The following FOXP1 variants were observed in gnomAD, a reference collection of about 807,000 sequenced individuals.
FOXP1 encodes the protein forkhead box P1.
A neutral mutation model predicts 98.2 loss-of-function variants in FOXP1; 15 were observed. The ratio of observed to expected loss-of-function variants is 0.15; its 90% CI spans 0.10 to 0.24. The LOEUF is 0.24. Ranked by LOEUF, FOXP1 falls within the 10% of genes least tolerant of loss-of-function variation. FOXP1 has a pLI of 1.00. For missense variants in FOXP1, 633 were observed against 848.5 expected (o/e 0.75, Z 3.15); for synonymous variants, 371 against 314.5 (o/e 1.18, Z -1.90).
chr3:71,574,179 C>A (rs1445495268), intron 2 of FOXP1: 1 of 152,124 alleles, frequency 6.6e-6, no homozygotes, highest in African/African-American at 2.4e-5. Context: ...CCCAATGCTA[C>A]CTAAACCTAC....
At chr3:71,341,971 A>G (rs918833985) in intron 4 of FOXP1, among the ~76,000 whole-genome samples, 6 of 152,236 alleles carry the variant, frequency 3.9e-5, no homozygotes, top group Admixed American at 1.3e-4. Context: ...CTGAGATCAC[A>G]TAACAAGTTA....
At chr3:71,173,123 A>T (rs1472637390) in intron 6 of FOXP1, among the ~76,000 whole-genome samples, 1 of 151,918 alleles carries the variant, frequency 6.6e-6, no homozygotes, top group South Asian at 2.1e-4. Context: ...TTTTTTCCCT[A>T]TTGGTCCAGA....
chr3:70,970,808 G>A lies in FOXP1; in HGVS notation c.1653-3C>T, dbSNP rs1332032295. The A allele has an allele frequency of 3.1e-6, 5 of 1,611,104 alleles. No individual in the cohort carries two copies. The highest frequency in any genetic ancestry group is 4.2e-6 in the Non-Finnish European group (5 of 1,177,220). ...TGTTTTTAATAAGGGAAGGGTTACT[G>A]TGTAAGAAAAACATAAAAACTCAAA... is the stretch of plus-strand genomic sequence containing the variant. On this transcript the variant is annotated splice_polypyrimidine_tract_variant and splice_region_variant and intron_variant, in intron 18 of 20. Coordinates refer to ENST00000649528, the MANE Select transcript of FOXP1 (RefSeq NM_001349338.3).
intron 3 of FOXP1, among the ~76,000 whole-genome samples, chr3:71,385,714 T>C (rs1157106991): frequency 6.6e-6 from 1 of 152,236 alleles, no homozygotes; most frequent in Non-Finnish European, 1.5e-5. Flanking sequence ...GTCTGAAGCA[T>C]GGCCTACAAA....
intron 3 of FOXP1, among the ~76,000 whole-genome samples, chr3:71,413,369 C>T (rs1198354942): frequency 6.6e-6 from 1 of 151,470 alleles, no homozygotes; most frequent in Non-Finnish European, 1.5e-5. Flanking sequence ...GCTGCCATTA[C>T]AAAGAATGAT....
intron 2 of FOXP1, among the ~76,000 whole-genome samples, chr3:71,558,021 C>T (rs1027549555): frequency 3.3e-5 from 5 of 152,038 alleles, no homozygotes; most frequent in East Asian, 3.9e-4. Context: ...TTCACTATGT[C>T]GGCCGGGCTG....
intron 6 of FOXP1, chr3:71,130,913 C>A: frequency 3.7e-6 from 5 of 1,348,398 alleles, no homozygotes; most frequent in Non-Finnish European, 4.8e-6. Context: ...ACACAGCACA[C>A]GCAGTGCGCC....
At chr3:71,338,496 C>T (rs1313407243) in intron 4 of FOXP1, among the ~76,000 whole-genome samples, 1 of 152,168 alleles carries the variant, frequency 6.6e-6, no homozygotes, top group African/African-American at 2.4e-5. Context: ...CAGGCAATCT[C>T]GGCTCACTGC....
intron 10 of FOXP1, among the ~76,000 whole-genome samples, chr3:71,044,944 A>T (rs1376223581): frequency 6.6e-6 from 1 of 152,162 alleles, no homozygotes. Context: ...CATCAGTTTT[A>T]AGCCATCATC....
chr3:71,435,039 TAAACTGATA>T (rs1484525529), intron 3 of FOXP1, among the ~76,000 whole-genome samples: 1 of 151,442 alleles, frequency 6.6e-6, no homozygotes, highest in African/African-American at 2.4e-5. Context: ...CGTCAGTTCT[TAAACTGATA>T]ATTAACACAT....
chr3:71,414,448 T>C (rs1159350495), intron 3 of FOXP1, among the ~76,000 whole-genome samples: 1 of 152,148 alleles, frequency 6.6e-6, no homozygotes, highest in East Asian at 1.9e-4. Context: ...TGCGGCACCA[T>C]CCACACCCAC....
chr3:71,173,927 GT>G (rs983063445), intron 6 of FOXP1, among the ~76,000 whole-genome samples: 2 of 152,192 alleles, frequency 1.3e-5, no homozygotes, highest in African/African-American at 4.8e-5. Flanking sequence ...GAAGAAGAAA[GT>G]GACAAAATAA....
rs1197822080 is a variant in FOXP1, at chr3:71,535,193, G to A, written c.-297-41638C>T. Reference sequence around the variant, plus strand: ...CCACAAACCAGGTGCATCTGGCCCTGCTTACTGGTGACTTCCAAGGCTCTG... The same window carrying A: ...CCACAAACCAGGTGCATCTGGCCCTACTTACTGGTGACTTCCAAGGCTCTG... On this transcript the variant is annotated intron_variant, in intron 2 of 20. Coordinates refer to ENST00000649528, the MANE Select transcript of FOXP1 (RefSeq NM_001349338.3). 3.9e-5 allele frequency among the ~76,000 whole-genome samples: 6 copies of A among 152,266 alleles called. No individual in the cohort carries two copies. The East Asian group carries it at 9.7e-4, about 25-fold the overall frequency.
chr3:71,554,193 T>C (rs192096752), intron 2 of FOXP1, among the ~76,000 whole-genome samples: 1 of 152,084 alleles, frequency 6.6e-6, no homozygotes, highest in Non-Finnish European at 1.5e-5. Flanking sequence ...ACAAAAAGTT[T>C]TAAAAAAGAA....
intron 4 of FOXP1, among the ~76,000 whole-genome samples, chr3:71,324,344 T>G (rs1308593472): frequency 1.3e-5 from 2 of 152,084 alleles, no homozygotes; most frequent in Admixed American, 1.3e-4. Context: ...CTATTCACAA[T>G]AGCAAAGACT....
At chr3:71,279,644 A>G (rs924562810) in intron 5 of FOXP1, among the ~76,000 whole-genome samples, 2 of 152,188 alleles carry the variant, frequency 1.3e-5, no homozygotes, top group African/African-American at 4.8e-5. Flanking sequence ...GTATCCAACC[A>G]AGTAGAAATG....
At chr3:71,302,374 C>T (rs2073917997) in intron 4 of FOXP1, among the ~76,000 whole-genome samples, 1 of 152,008 alleles carries the variant, frequency 6.6e-6, no homozygotes, top group South Asian at 2.1e-4. Flanking sequence ...CCAAAGCATA[C>T]AACTTCCCTT....
chr3:71,457,905 G>A (rs1371318062), intron 3 of FOXP1, among the ~76,000 whole-genome samples: 7 of 152,182 alleles, frequency 4.6e-5, no homozygotes, highest in African/African-American at 1.7e-4. Flanking sequence ...TGGGGGCACA[G>A]GACAGGGACT....
chr3:70,978,593 A>G (rs576151305), intron 14 of FOXP1, among the ~76,000 whole-genome samples: 24 of 152,336 alleles, frequency 1.6e-4, no homozygotes, highest in Non-Finnish European at 2.9e-4. Flanking sequence ...TAGCTACCAT[A>G]CTAGACAGCC....
Sources: gnomAD v4.1 joint callset for allele counts (sites outside exome capture counted in the v4.1 genomes callset) on GRCh38, gnomAD v4.1.1 for gene constraint, MANE v1.5 for transcripts, NCBI Gene and HGNC (gene_info 2026-07-23, HGNC 2026-07-21) for gene names.